Variants in MECOM observed in about 807,000 individuals in gnomAD.
MECOM encodes MDS1 and EVI1 complex locus.
Under a neutral mutation model 116.3 loss-of-function variants are expected in MECOM, and 13 were observed. The observed-to-expected ratio is 0.11, with a 90% CI of 0.07 to 0.18. MECOM has a LOEUF of 0.18. MECOM is among the 10% of genes least tolerant of loss of function. The pLI, the probability that MECOM is intolerant of heterozygous loss-of-function variation, is 1.00. For synonymous variants in MECOM, 528 were observed against 535.2 expected, an observed-to-expected ratio of 0.99 and a Z score of 0.19; for missense variants, 1,299 against 1,509.0, an observed-to-expected ratio of 0.86 and a Z score of 2.31.
At chr3:169,312,556 G>A (rs980132968) in intron 2 of MECOM, among the ~76,000 whole-genome samples, 1 of 152,072 alleles carries the variant, frequency 6.6e-6, no homozygotes, top group Non-Finnish European at 1.5e-5. Flanking sequence ...TTTTAATAGA[G>A]ACGGGGTTTC....
At chr3:169,272,347 C>CA (rs1306998005) in intron 2 of MECOM, among the ~76,000 whole-genome samples, 2 of 152,078 alleles carry the variant, frequency 1.3e-5, no homozygotes, top group African/African-American at 4.8e-5. Context: ...GGAATTGAAT[C>CA]ACAGATTCCT....
intron 1 of MECOM, among the ~76,000 whole-genome samples, chr3:169,648,185 A>C (rs189209668): frequency 6.6e-6 from 1 of 152,382 alleles, no homozygotes; most frequent in East Asian, 1.9e-4. Context: ...GCCAATGCCA[A>C]GGATTCACTT....
chr3:169,139,474 A>G (rs1737430431), intron 3 of MECOM, among the ~76,000 whole-genome samples: 4 of 152,152 alleles, frequency 2.6e-5, no homozygotes, highest in Admixed American at 2.6e-4. Flanking sequence ...CGCCCAGATC[A>G]TTCTAACTAT....
chr3:169,433,769 C>A (rs1742168690), intron 1 of MECOM, among the ~76,000 whole-genome samples: 2 of 152,146 alleles, frequency 1.3e-5, no homozygotes, highest in African/African-American at 4.8e-5. Context: ...GAAAAATCAT[C>A]TAGAGTGCTT....
At chr3:169,212,968 C>G (rs1750964316) in intron 2 of MECOM, among the ~76,000 whole-genome samples, 1 of 151,710 alleles carries the variant, frequency 6.6e-6, no homozygotes, top group African/African-American at 2.4e-5. Flanking sequence ...TTAAAGCAGT[C>G]CCCTCATTGT....
rs79181099 is a variant in MECOM at position 169,286,703 on chromosome 3, A to T, written c.375+94484T>A. Among the ~76,000 whole-genome samples the T allele has an allele frequency of 5.7e-4, 87 of 152,306 alleles. No homozygotes were observed. In the East Asian group the frequency reaches 0.016, roughly 29 times the overall value. On this transcript the variant is annotated intron_variant, in intron 2 of 16. Transcript: ENST00000651503. ...CGTATTAGGTTGTGTTGTTATAGGT[A>T]TTTGTAGGAGTCAGGGTGTACAATT...
At chr3:169,404,680 A>G (rs1452269273) in intron 1 of MECOM, among the ~76,000 whole-genome samples, 1 of 152,188 alleles carries the variant, frequency 6.6e-6, no homozygotes, top group Non-Finnish European at 1.5e-5. Context: ...CCTGCCCTGC[A>G]GACCAGAGAG....
intron 3 of MECOM, 57 bp from the exon 4 acceptor site, chr3:169,131,588 T>A (rs912273776): frequency 6.7e-6 from 9 of 1,344,700 alleles, no homozygotes; most frequent in Non-Finnish European, 9.4e-6. Flanking sequence ...GTATATATAT[T>A]AACAAAGGGC....
rs1435242382 is a variant in MECOM, at chr3:169,281,158, T to C, written c.375+100029A>G. On this transcript the variant is annotated intron_variant, in intron 2 of 16. Coordinates refer to ENST00000651503, the MANE Select transcript of MECOM (RefSeq NM_004991.4). ...AGCATTATCACCTACTGGAAACCTG[T>C]GAGAAATGCAGAATCTCCATCCCCA... Among the ~76,000 whole-genome samples, 3 of 152,206 alleles carry C rather than the reference T, an allele frequency of 2.0e-5. No homozygotes were observed. In the East Asian group the frequency reaches 5.8e-4, roughly 29 times the overall value.
At chr3:169,094,975 G>C in intron 13 of MECOM, 101 bp downstream of exon 13, 2 of 1,048,614 alleles carry the variant, frequency 1.9e-6, no homozygotes, top group Non-Finnish European at 2.6e-6. Context: ...CCTGATTTTG[G>C]CGTCAAAATG....
chr3:169,315,305 C>T (rs909886812), intron 2 of MECOM, among the ~76,000 whole-genome samples: 1 of 152,140 alleles, frequency 6.6e-6, no homozygotes, highest in Non-Finnish European at 1.5e-5. Flanking sequence ...CAGATGGGAC[C>T]CAGACACTCA....
intron 10 of MECOM, among the ~76,000 whole-genome samples, chr3:169,104,963 A>G (rs1724863719): frequency 6.6e-6 from 1 of 152,160 alleles, no homozygotes; most frequent in Non-Finnish European, 1.5e-5. Flanking sequence ...AATAAGGGTT[A>G]CGCAAGTGTC....
intron 2 of MECOM, among the ~76,000 whole-genome samples, chr3:169,205,919 A>G (rs1228667349): frequency 6.6e-6 from 1 of 152,220 alleles, no homozygotes; most frequent in Non-Finnish European, 1.5e-5. Context: ...CACCCCAAAA[A>G]GGAAATTTCT....
Position 169,378,528 on chromosome 3 carries a change from A to G in MECOM, c.375+2659T>C, listed in dbSNP as rs1473569863. ...AAGAAAGAAAGAAAAGAAAGAAAGA[A>G]AGAAAGAAAGAAAGAAAGAAAGAAA... On this transcript the variant is annotated intron_variant, in intron 2 of 16. Transcript: ENST00000651503. Among the ~76,000 whole-genome samples, 337 of 70,278 alleles carry G rather than the reference A, an allele frequency of 4.8e-3. 36 individuals carry two copies. Among genetic ancestry groups the G allele is most frequent in the African/African-American group, 0.012 (180 of 15,028 alleles). The allele number at this position is 70,278 out of a possible 152,430, so 46.1% of individuals were successfully genotyped here.
At chr3:169,508,693 A>C (rs1014900164) in intron 1 of MECOM, among the ~76,000 whole-genome samples, 2 of 152,190 alleles carry the variant, frequency 1.3e-5, no homozygotes, top group Non-Finnish European at 2.9e-5. Context: ...AAATAATAAA[A>C]TAAAATTATT....
At chr3:169,591,063 T>C (rs1199606069) in intron 1 of MECOM, among the ~76,000 whole-genome samples, 1 of 152,066 alleles carries the variant, frequency 6.6e-6, no homozygotes, top group Non-Finnish European at 1.5e-5. Context: ...TAGCAAGTCA[T>C]CAGAAACAAG....
intron 7 of MECOM, among the ~76,000 whole-genome samples, chr3:169,119,065 G>C (rs1730128725): frequency 6.6e-6 from 1 of 152,198 alleles, no homozygotes; most frequent in African/African-American, 2.4e-5. Context: ...CAGCCTATTA[G>C]AGCATGTGGT....
chr3:169,585,362 C>CATTTA (rs1765662735), intron 1 of MECOM, among the ~76,000 whole-genome samples: 1 of 152,190 alleles, frequency 6.6e-6, no homozygotes, highest in Non-Finnish European at 1.5e-5. Flanking sequence ...ATAAGTGTAG[C>CATTTA]ATTTAATTTC....
chr3:169,523,086 C>A (rs1757549261), intron 1 of MECOM, among the ~76,000 whole-genome samples: 1 of 152,164 alleles, frequency 6.6e-6, no homozygotes, highest in South Asian at 2.1e-4. Context: ...CAGTGGAGAT[C>A]TTTTATCTTT....
Sources: gnomAD v4.1 joint callset for allele counts (sites outside exome capture counted in the v4.1 genomes callset) on GRCh38, gnomAD v4.1.1 for gene constraint, MANE v1.5 for transcripts, NCBI Gene and HGNC (gene_info 2026-07-23, HGNC 2026-07-21) for gene names.